SARM1: variants seen among roughly 807,000 people sequenced by gnomAD.
The protein encoded by SARM1 is NAD(+) hydrolase SARM1.
In SARM1, 60 loss-of-function variants were observed where a neutral mutation model predicts 65.1. That is an observed-to-expected ratio of 0.92 (90% CI 0.75 to 1.14). The LOEUF is 1.14. Ranked by LOEUF, SARM1 falls within the 50% of genes most tolerant of loss-of-function variation. The pLI is 0.00. For synonymous variants in SARM1, 417 were observed against 465.4 expected, an observed-to-expected ratio of 0.90 and a Z score of 1.34; for missense variants, 913 against 1,015.7, an observed-to-expected ratio of 0.90 and a Z score of 1.37.
In SARM1 at chr17:28,372,450, A is replaced by C. The variant is rs1555584213; in HGVS notation, c.418A>C (p.Thr140Pro). 2 of 1,529,906 alleles carry C rather than the reference A, an allele frequency of 1.3e-6. No individual in the cohort carries two copies. The highest frequency in any genetic ancestry group is 2.5e-5 in the East Asian group (1 of 40,186). 94.8% of individuals were successfully genotyped at this position (1,529,906 alleles called of 1,614,324 possible). ...LRLLQAPELETRVQAARLLEQ... is the reference protein window; with the variant it reads ...LRLLQAPELEPRVQAARLLEQ... The stretch of plus-strand genomic sequence containing the variant: ...GCTGCTGCAGGCGCCGGAGTTGGAG[A>C]CGCGTGTGCAGGCCGCGCGCCTGCT... Residue 140 changes from threonine to proline, a missense_variant, in exon 1 of 9, where the codon ACG becomes CCG. Physicochemically the swap from Thr to Pro is conservative, Grantham distance 38. This residue lies in a region of SARM1 where 862 missense variants were observed against 952.1 expected (regional missense o/e 0.91). Coordinates refer to ENST00000585482, the MANE Select transcript of SARM1 (RefSeq NM_015077.4). This position sits in a 1 kb window ranked among gnomAD's most constrained non-coding sequence, Gnocchi z 5.2.
At position 28,372,423 on chromosome 17, in the gene SARM1, C is replaced by T. The variant is rs1389320808; in HGVS notation, c.391C>T (p.Arg131Trp). The change falls in exon 1 of 9, where the codon CGG becomes TGG. Residue 131 changes from arginine to tryptophan, a missense_variant. Physicochemically the swap from Arg to Trp is moderately radical, Grantham distance 101 (BLOSUM62 -3). Around this residue, in one of 3 missense-constraint regions of SARM1, gnomAD observed 862 missense variants for 952.1 expected, o/e 0.91. Coordinates refer to ENST00000585482, the MANE Select transcript of SARM1 (RefSeq NM_015077.4). This position sits in a 1 kb window ranked among gnomAD's most constrained non-coding sequence, Gnocchi z 5.2. ...RLDGGLDLLL[R>W]LLQAPELETR... ...CGATGGCGGCCTCGACCTGCTGTTGCGGCTGCTGCAGGCGCCGGAGTTGGA... is the reference window on the plus strand; with the variant it reads ...CGATGGCGGCCTCGACCTGCTGTTGTGGCTGCTGCAGGCGCCGGAGTTGGA... The T allele has an allele frequency of 6.5e-7, 1 of 1,529,830 alleles. No homozygotes were observed. 94.8% of individuals were successfully genotyped at this position (1,529,830 alleles called of 1,614,324 possible).
rs1051032343 is a variant in SARM1 at position 28,384,298 on chromosome 17, G to A, written c.1090-59G>A. On this transcript the variant is annotated intron_variant, in intron 2 of 8. Transcript: ENST00000585482. The surrounding 1 kb of genome is among the most constrained non-coding windows in gnomAD (Gnocchi z 4.4). Reference sequence around the variant, plus strand: ...AGAGACAAGGAGAGGGACTGGGCACGTGTGGGAGCACCTGGAGAGCTGGTG... The same window carrying A: ...AGAGACAAGGAGAGGGACTGGGCACATGTGGGAGCACCTGGAGAGCTGGTG... The A allele has an allele frequency of 2.2e-5, 30 of 1,392,572 alleles. No homozygotes were observed. The highest frequency in any genetic ancestry group is 2.9e-5 in the Non-Finnish European group (30 of 1,020,638). 86.3% of individuals were successfully genotyped at this position (1,392,572 alleles called of 1,614,324 possible). A position where few individuals can be genotyped will look rare whatever the true frequency, so the allele number is the denominator to read the frequency against.
chr17:28,399,440 G>C lies in SARM1; in HGVS notation c.*3154G>C. ...CTCCTCTGCCACCTGTCCTGCAGTGGGCCTGTGTGGGTTATGATTCTAGAT... is the reference window on the plus strand; with the variant it reads ...CTCCTCTGCCACCTGTCCTGCAGTGCGCCTGTGTGGGTTATGATTCTAGAT... On this transcript the variant is annotated 3_prime_UTR_variant, in exon 9 of 9. Coordinates refer to ENST00000585482, the MANE Select transcript of SARM1 (RefSeq NM_015077.4). The C allele has an allele frequency of 3.4e-6, 2 of 583,976 alleles. No homozygotes were observed. Among genetic ancestry groups the C allele is most frequent in the Non-Finnish European group, 3.1e-6 (1 of 327,480 alleles). The allele number at this position is 583,976 out of a possible 1,614,324, so 36.2% of individuals were successfully genotyped here.
chr17:28,386,854 C>T (rs781921325), intron 5 of SARM1, among the ~76,000 whole-genome samples: 12 of 152,170 alleles, frequency 7.9e-5, no homozygotes, highest in Non-Finnish European at 1.5e-4. Flanking sequence ...ATTCTCCCAC[C>T]TCACCTCCCA....
chr17:28,393,507 T>C (rs2142438814), intron 7 of SARM1, among the ~76,000 whole-genome samples: 1 of 151,392 alleles, frequency 6.6e-6, no homozygotes, highest in East Asian at 1.9e-4. Flanking sequence ...GCCTTGATGG[T>C]GCCACTGCCC....
intron 2 of SARM1, among the ~76,000 whole-genome samples, chr17:28,382,503 C>A (rs2068029645): frequency 6.6e-6 from 1 of 152,040 alleles, no homozygotes; most frequent in Non-Finnish European, 1.5e-5. Flanking sequence ...GCCAGATAAC[C>A]CCCATCGGAG....
In SARM1 at chr17:28,395,896, T is replaced by C; in HGVS notation, c.1924-9T>C. The C allele has an allele frequency of 6.2e-7, 1 of 1,613,592 alleles. No homozygotes were observed. The highest frequency in any genetic ancestry group is 8.5e-7 in the Non-Finnish European group (1 of 1,179,868). ...AGGGGTATCTTCCTCCTTTCCTTTC[T>C]TTCTCCAGGAGATTGTGACTGCTTT... On this transcript the variant is annotated splice_polypyrimidine_tract_variant and intron_variant, in intron 7 of 8. Coordinates refer to ENST00000585482, the MANE Select transcript of SARM1 (RefSeq NM_015077.4).
At position 28,403,654 on chromosome 17, in the gene SARM1, A is replaced by AGCTCCCTCTCCCTCTCCCGTCTCCC. The variant is rs2068221887; in HGVS notation, c.*7368_*7369insGCTCCCTCTCCCTCTCCCGTCTCCC. 1 of 152,168 alleles carries AGCTCCCTCTCCCTCTCCCGTCTCCC rather than the reference A, an allele frequency of 6.6e-6. No homozygotes were observed. The highest frequency in any genetic ancestry group is 1.5e-5 in the Non-Finnish European group (1 of 68,034). The allele number at this position is 152,168 out of a possible 1,614,324, so 9.4% of individuals were successfully genotyped here. A position where few individuals can be genotyped will look rare whatever the true frequency, so the allele number is the denominator to read the frequency against. On this transcript the variant is annotated 3_prime_UTR_variant, in exon 9 of 9. Transcript: ENST00000585482. The stretch of plus-strand genomic sequence containing the variant: ...CAGTTGAGTTAAGAAATCTGTGATT[A>AGCTCCCTCTCCCTCTCCCGTCTCCC]TTGTATTGTTGACTATACACAGCAC...
Position 28,400,817 on chromosome 17 carries a change from A to G in SARM1, c.*4531A>G. On this transcript the variant is annotated 3_prime_UTR_variant, in exon 9 of 9. Coordinates refer to ENST00000585482, the MANE Select transcript of SARM1 (RefSeq NM_015077.4). ...TGGAGTCCGAAAGGGCCATATTCCA[A>G]CTCTGGCACCACCACCTCACAGCTG... The G allele has an allele frequency of 2.6e-6, 4 of 1,512,570 alleles. No homozygotes were observed. In the Admixed American group the frequency reaches 7.9e-5, roughly 30 times the overall value. The allele number at this position is 1,512,570 out of a possible 1,614,324, so 93.7% of individuals were successfully genotyped here. A position where few individuals can be genotyped will look rare whatever the true frequency, so the allele number is the denominator to read the frequency against.
intron 7 of SARM1, 88 bp from the exon 8 acceptor site, chr17:28,395,817 G>T (rs1350781942): frequency 6.6e-7 from 1 of 1,518,662 alleles, no homozygotes; most frequent in Admixed American, 1.7e-5. Context: ...GCCCAGCCTC[G>T]GGCCAGTGGG....
At chr17:28,380,132 G>C (rs577198010) in intron 1 of SARM1, among the ~76,000 whole-genome samples, 85 of 138,770 alleles carry the variant, frequency 6.1e-4, no homozygotes, top group Non-Finnish European at 1.2e-3. Flanking sequence ...TTGTTGTCCA[G>C]GATGGTCTCA....
Position 28,372,569 on chromosome 17 carries a change from G to C in SARM1, c.470+67G>C. 7.7e-7 allele frequency: 1 copy of C among 1,298,656 alleles called. No homozygotes were observed. Among genetic ancestry groups the C allele is most frequent in the South Asian group, 1.4e-5 (1 of 69,918 alleles). The allele number at this position is 1,298,656 out of a possible 1,614,324, so 80.4% of individuals were successfully genotyped here. On this transcript the variant is annotated intron_variant, in intron 1 of 8. Coordinates refer to ENST00000585482, the MANE Select transcript of SARM1 (RefSeq NM_015077.4). The surrounding 1 kb of genome is among the most constrained non-coding windows in gnomAD (Gnocchi z 5.2). ...TGGACAGTTAAGCGCCTGCGTTCCC[G>C]TGTGCCTTGCGCCGTGCCTTTGCCT...
Position 28,385,000 on chromosome 17 carries a change from C to A in SARM1, c.1395-40C>A, listed in dbSNP as rs782479188. On this transcript the variant is annotated intron_variant, in intron 4 of 8. Coordinates refer to ENST00000585482, the MANE Select transcript of SARM1 (RefSeq NM_015077.4). The surrounding 1 kb of genome is among the most constrained non-coding windows in gnomAD (Gnocchi z 4.4). ...GCTCCCCCTCCGCCCACAGCCCGTCCGAGTCTGGACCTCAGCGTCTTCTCC... is the reference window on the plus strand; with the variant it reads ...GCTCCCCCTCCGCCCACAGCCCGTCAGAGTCTGGACCTCAGCGTCTTCTCC... 3 of 1,608,220 alleles carry A rather than the reference C, an allele frequency of 1.9e-6. No individual in the cohort carries two copies. The highest frequency in any genetic ancestry group is 2.2e-5 in the East Asian group (1 of 44,750).
intron 7 of SARM1, among the ~76,000 whole-genome samples, chr17:28,393,620 T>G (rs1218112017): frequency 3.3e-5 from 5 of 152,132 alleles, no homozygotes; most frequent in African/African-American, 1.2e-4. Flanking sequence ...CCTATTATTT[T>G]TGCCTCAGGT....
In SARM1 at chr17:28,381,314, T is replaced by G; in HGVS notation, c.582T>G (p.His194Gln). The change falls in exon 2 of 9, where the codon CAT (histidine) becomes CAG (glutamine). Residue 194 changes from histidine (H) to glutamine (Q), a missense_variant. This residue lies in a region of SARM1 where 862 missense variants were observed against 952.1 expected (regional missense o/e 0.91). Transcript: ENST00000585482. Reference protein sequence around the residue: ...VAGILEHMFKHSEETCQRLVA... With the variant: ...VAGILEHMFKQSEETCQRLVA... ...GCATCTTGGAGCACATGTTCAAGCA[T>G]TCGGAGGAGACATGCCAGAGGCTGG... 2 of 1,602,070 alleles carry G rather than the reference T, an allele frequency of 1.2e-6. No homozygotes were observed. The highest frequency in any genetic ancestry group is 1.7e-6 in the Non-Finnish European group (2 of 1,175,042).
At position 28,381,633 on chromosome 17, in the gene SARM1, G is replaced by T. The variant is rs782606059; in HGVS notation, c.901G>T (p.Ala301Ser). 1.8e-4 allele frequency: 285 copies of T among 1,566,586 alleles called. No individual in the cohort carries two copies. The highest frequency in any genetic ancestry group is 5.0e-4 in the Middle Eastern group (3 of 5,948). Reference sequence around the variant, plus strand: ...GCTGGCGCTCGTGGAGCCGCTTGTGGCCTCGCTGGACCCTGGCCGCTTCGC... The same window carrying T: ...GCTGGCGCTCGTGGAGCCGCTTGTGTCCTCGCTGGACCCTGGCCGCTTCGC... ...GTLALVEPLVASLDPGRFARC... is the reference protein window; with the variant it reads ...GTLALVEPLVSSLDPGRFARC... Residue 301 changes from alanine (A) to serine (S), a missense_variant, in exon 2 of 9, where the codon GCC becomes TCC. Ala to Ser is a moderately conservative substitution (Grantham distance 99). Transcript: ENST00000585482.
rs2067961711 is a variant in SARM1, at chr17:28,372,243, G to A, written c.211G>A (p.Glu71Lys). ...VQDALERALP[E>K]LQQALSALKQ... is the part of the protein sequence containing the mutation. ...GGACGCCCTGGAGCGCGCGCTGCCGGAGCTGCAGCAGGCCTTGTCCGCGCT... is the reference window on the plus strand; with the variant it reads ...GGACGCCCTGGAGCGCGCGCTGCCGAAGCTGCAGCAGGCCTTGTCCGCGCT... Residue 71 changes from glutamate to lysine, a missense_variant, in exon 1 of 9, where the codon GAG becomes AAG. Glu to Lys is a moderately conservative substitution (Grantham distance 56, BLOSUM62 1). This residue lies in a region of SARM1 where 862 missense variants were observed against 952.1 expected (regional missense o/e 0.91). Coordinates refer to ENST00000585482, the MANE Select transcript of SARM1 (RefSeq NM_015077.4). This position sits in a 1 kb window ranked among gnomAD's most constrained non-coding sequence, Gnocchi z 5.2. 1 of 1,387,574 alleles carries A rather than the reference G, an allele frequency of 7.2e-7. No individual in the cohort carries two copies. The highest frequency in any genetic ancestry group is 9.3e-7 in the Non-Finnish European group (1 of 1,081,050). 86.0% of individuals were successfully genotyped at this position (1,387,574 alleles called of 1,614,324 possible).
Position 28,395,981 on chromosome 17 carries a change from T to A in SARM1, c.2000T>A (p.Val667Asp), listed in dbSNP as rs781912512. ...IDGFEWPEPQVLPEDMQAVLT... is the reference protein window; with the variant it reads ...IDGFEWPEPQDLPEDMQAVLT... ...GGCTTCGAGTGGCCTGAGCCCCAGG[T>A]CCTGCCTGAGGACATGCAGGCTGTG... Residue 667 changes from valine (V) to aspartate (D), a missense_variant, in exon 8 of 9, where the codon GTC becomes GAC. This residue lies in a region of SARM1 where 862 missense variants were observed against 952.1 expected (regional missense o/e 0.91). Transcript: ENST00000585482. The A allele has an allele frequency of 9.9e-6, 16 of 1,613,788 alleles. No individual in the cohort carries two copies. Among genetic ancestry groups the A allele is most frequent in the South Asian group, 5.5e-5 (5 of 91,078 alleles).
At chr17:28,373,337 A>G (rs140180275) in intron 1 of SARM1, 2 of 152,398 alleles carry the variant, frequency 1.3e-5, no homozygotes, top group African/African-American at 4.8e-5. Flanking sequence ...GCCAGAGCAG[A>G]CCAAGCTGTC....
Sources: allele counts gnomAD v4.1 joint callset (sites outside exome capture counted in the v4.1 genomes callset), GRCh38; gene constraint gnomAD v4.1.1; regional missense constraint gnomAD v4.1.1; non-coding constraint Gnocchi (gnomAD v3.1); transcripts MANE v1.5; gene names NCBI Gene and HGNC (gene_info 2026-07-23, HGNC 2026-07-21).